TTC38: variants seen among roughly 807,000 people sequenced by gnomAD.
TTC38 encodes the protein tetratricopeptide repeat protein 38.
TTC38 carries 64 observed loss-of-function variants against 64.2 expected under a neutral mutation model. The observed-to-expected ratio is 1.00, with a 90% CI of 0.81 to 1.23. The LOEUF is 1.23. Ranked by LOEUF, TTC38 falls within the 50% of genes most tolerant of loss-of-function variation. The probability of loss-of-function intolerance (pLI) is 0.00; values close to 1 mark genes in which losing one functional copy is unlikely to be tolerated. For missense variants in TTC38, 573 were observed against 615.5 expected (o/e 0.93, Z 0.73); for synonymous variants, 254 against 249.3 (o/e 1.02, Z -0.18).
chr22:46,289,531 G>T lies in TTC38; in HGVS notation c.1212G>T (p.Arg404=). The part of the protein sequence containing the change: ...VLELLLPIRY[R]IVQLGGSNAQ... ...AGCTGCTCCTGCCCATCCGCTACCG[G>T]ATCGTCCAGCTCGGTGGGAGCAATG... The change falls in exon 12 of 14, where the codon CGG becomes CGT. Residue 404 remains arginine, a synonymous_variant. Coordinates refer to ENST00000381031, the MANE Select transcript of TTC38 (RefSeq NM_017931.4). 6.2e-7 allele frequency: 1 copy of T among 1,603,158 alleles called. No individual in the cohort carries two copies. The highest frequency in any genetic ancestry group is 8.5e-7 in the Non-Finnish European group (1 of 1,176,508).
intron 9 of TTC38, 141 bp downstream of exon 9, chr22:46,285,420 A>G (rs1054251479): frequency 1.2e-6 from 1 of 831,224 alleles, no homozygotes; most frequent in Admixed American, 2.0e-5. Context: ...GTAAGGCCTC[A>G]TGGGGTTAAT....
chr22:46,290,080 A>G (rs1236418956), intron 13 of TTC38, among the ~76,000 whole-genome samples, 181 bp downstream of exon 13: 1 of 152,158 alleles, frequency 6.6e-6, no homozygotes, highest in Non-Finnish European at 1.5e-5. Flanking sequence ...GACCAAGTGG[A>G]GCCAGCCCCA....
At chr22:46,268,413 T>G in intron 1 of TTC38, 101 bp from the exon 2 acceptor site, 3 of 1,263,826 alleles carry the variant, frequency 2.4e-6, no homozygotes, top group Non-Finnish European at 3.4e-6. Flanking sequence ...ATTTTACAGA[T>G]GAGGAAGGTG....
At position 46,291,364 on chromosome 22, in the gene TTC38, C is replaced by T. The variant is rs1261617593; in HGVS notation, c.1317-1427C>T. Among the ~76,000 whole-genome samples the T allele has an allele frequency of 6.6e-6, 1 of 151,990 alleles. No homozygotes were observed. The highest frequency in any genetic ancestry group is 1.5e-5 in the Non-Finnish European group (1 of 67,982). On this transcript the variant is annotated intron_variant, in intron 13 of 13. Coordinates refer to ENST00000381031, the MANE Select transcript of TTC38 (RefSeq NM_017931.4). The surrounding 1 kb of genome is among the most constrained non-coding windows in gnomAD (Gnocchi z 4.6). ...GGCAGTGCGGCAGTGCCGATGTGGC[C>T]TTCTGCGGGGCCCAGTGGGGGAGGG...
At position 46,273,932 on chromosome 22, in the gene TTC38, G is replaced by C. The variant is rs1936951050; in HGVS notation, c.228G>C (p.Leu76=). 2 of 1,614,120 alleles carry C rather than the reference G, an allele frequency of 1.2e-6. No homozygotes were observed. The highest frequency in any genetic ancestry group is 1.7e-6 in the Non-Finnish European group (2 of 1,180,050). Residue 76 remains leucine, a synonymous_variant, in exon 4 of 14, where the codon CTG becomes CTC. Transcript: ENST00000381031. The surrounding 1 kb of genome is among the most constrained non-coding windows in gnomAD (Gnocchi z 5.1). ...ACGCCATGGCTACTGGCCTTGTGCTGATTGGCACTGGAAGCTCCGTGAAGC... is the reference window on the plus strand; with the variant it reads ...ACGCCATGGCTACTGGCCTTGTGCTCATTGGCACTGGAAGCTCCGTGAAGC... ...MGHAMATGLV[L]IGTGSSVKLD... is the part of the protein sequence containing the mutation.
chr22:46,289,895 G>C lies in TTC38; in HGVS notation c.1312G>C (p.Ala438Pro). Reference sequence around the variant, plus strand: ...CACCTCCAGCGTCCATAAGAACGTAGCCCGGTGAGCTCCTGGCCCCTGCCC... The same window carrying C: ...CACCTCCAGCGTCCATAAGAACGTACCCCGGTGAGCTCCTGGCCCCTGCCC... ...NCTSSVHKNVARSLLMERDAL... is the reference protein window; with the variant it reads ...NCTSSVHKNVPRSLLMERDAL... The change falls in exon 13 of 14, where the codon GCC (alanine) becomes CCC (proline). Residue 438 changes from alanine to proline, a missense_variant. Transcript: ENST00000381031. 1 of 1,614,050 alleles carries C rather than the reference G, an allele frequency of 6.2e-7. No individual in the cohort carries two copies. Among genetic ancestry groups the C allele is most frequent in the Non-Finnish European group, 8.5e-7 (1 of 1,179,982 alleles).
Position 46,292,302 on chromosome 22 carries a change from T to C in TTC38, c.1317-489T>C. ...GGGCTCAAGGAATCTTCCTGCCTCA[T>C]CCTTCCATCGTGCAGGGATTACAGG... is the stretch of plus-strand genomic sequence containing the variant. On this transcript the variant is annotated intron_variant, in intron 13 of 13. Transcript: ENST00000381031. The surrounding 1 kb of genome is among the most constrained non-coding windows in gnomAD (Gnocchi z 6.5). 2.4e-6 allele frequency: 1 copy of C among 410,050 alleles called. No individual in the cohort carries two copies. Among genetic ancestry groups the C allele is most frequent in the South Asian group, 1.8e-5 (1 of 54,068 alleles). The allele number at this position is 410,050 out of a possible 1,614,324, so 25.4% of individuals were successfully genotyped here.
chr22:46,268,515 C>A lies in TTC38; in HGVS notation c.35C>A (p.Ala12Asp). The A allele has an allele frequency of 6.2e-7, 1 of 1,614,072 alleles. No individual in the cohort carries two copies. Among genetic ancestry groups the A allele is most frequent in the Non-Finnish European group, 8.5e-7 (1 of 1,180,022 alleles). ...AAASPLRDCQAWKDARLPLST... is the reference protein window; with the variant it reads ...AAASPLRDCQDWKDARLPLST... ...CTATTCCCTTCTTGCCGTCTGTAGG[C>A]CTGGAAGGATGCGAGGCTCCCGCTC... The change falls in exon 2 of 14, where the codon GCC (alanine) becomes GAC (aspartate). Residue 12 changes from alanine to aspartate, a missense_variant and splice_region_variant. Physicochemically the swap from Ala to Asp is moderately radical, Grantham distance 126 (BLOSUM62 -2). This residue lies in a region of TTC38 where 134 missense variants were observed against 126.5 expected (regional missense o/e 1.06). Transcript: ENST00000381031.
At chr22:46,288,729 G>T (rs2077590036) in intron 11 of TTC38, 141 bp downstream of exon 11, 4 of 794,120 alleles carry the variant, frequency 5.0e-6, no homozygotes, top group African/African-American at 1.7e-5. Flanking sequence ...GCAGCTCCCA[G>T]GTGTGCACCC....
Position 46,275,411 on chromosome 22 carries a change from C to T in TTC38, c.529C>T (p.Pro177Ser), listed in dbSNP as rs920625583. The T allele has an allele frequency of 3.1e-6, 5 of 1,612,676 alleles. No individual in the cohort carries two copies. In the African/African-American group the frequency reaches 6.7e-5, roughly 22 times the overall value. ...TTACCCCTTCTGGACACCTGACATC[C>T]CCCTAAGCAGGTATGTGCCAGCTGG... is the stretch of plus-strand genomic sequence containing the variant. ...RIYPFWTPDIPLSSYVKGIYS... is the reference protein window; with the variant it reads ...RIYPFWTPDISLSSYVKGIYS... The change falls in exon 5 of 14, where the codon CCC becomes TCC. Residue 177 changes from proline to serine, a missense_variant. By Grantham distance (74) the Pro-to-Ser change is moderately conservative. Around this residue, in one of 3 missense-constraint regions of TTC38, gnomAD observed 68 missense variants for 107.3 expected, o/e 0.63. Coordinates refer to ENST00000381031, the MANE Select transcript of TTC38 (RefSeq NM_017931.4). The surrounding 1 kb of genome is among the most constrained non-coding windows in gnomAD (Gnocchi z 4.5).
intron 10 of TTC38, among the ~76,000 whole-genome samples, chr22:46,287,420 G>A (rs1381625377): frequency 6.6e-6 from 1 of 152,252 alleles, no homozygotes; most frequent in South Asian, 2.1e-4. Flanking sequence ...CACCCAGGGC[G>A]GCACCTGCTG....
chr22:46,273,085 G>T lies in TTC38; in HGVS notation c.193+669G>T, dbSNP rs1936931089. On this transcript the variant is annotated intron_variant, in intron 3 of 13. Transcript: ENST00000381031. This position sits in a 1 kb window ranked among gnomAD's most constrained non-coding sequence, Gnocchi z 5.1. ...AGACTTAAGGCAGGGGACTTGTACTGCCCTGGAGAAGACAAACAAGGAAAT... is the reference window on the plus strand; with the variant it reads ...AGACTTAAGGCAGGGGACTTGTACTTCCCTGGAGAAGACAAACAAGGAAAT... 6.6e-6 allele frequency among the ~76,000 whole-genome samples: 1 copy of T among 152,198 alleles called. No homozygotes were observed. The highest frequency in any genetic ancestry group is 2.1e-4 in the South Asian group (1 of 4,830).
rs2077632321 is a variant in TTC38, at chr22:46,293,594, C to G, written c.*710C>G. On this transcript the variant is annotated 3_prime_UTR_variant, in exon 14 of 14. Coordinates refer to ENST00000381031, the MANE Select transcript of TTC38 (RefSeq NM_017931.4). The surrounding 1 kb of genome is among the most constrained non-coding windows in gnomAD (Gnocchi z 6.6). ...CCGTTTCTCTTTTTAAACTGCACAT[C>G]ATAACAGGGCTTCATGTCGAGCATG... 6.6e-6 allele frequency: 1 copy of G among 152,226 alleles called. No individual in the cohort carries two copies. Among genetic ancestry groups the G allele is most frequent in the Admixed American group, 6.5e-5 (1 of 15,292 alleles). The allele number at this position is 152,226 out of a possible 1,614,324, so 9.4% of individuals were successfully genotyped here. A position where few individuals can be genotyped will look rare whatever the true frequency, so the allele number is the denominator to read the frequency against.
rs1432181105 is a variant in TTC38 at position 46,272,261 on chromosome 22, C to A, written c.112-74C>A. On this transcript the variant is annotated intron_variant, in intron 2 of 13. Coordinates refer to ENST00000381031, the MANE Select transcript of TTC38 (RefSeq NM_017931.4). This position sits in a 1 kb window ranked among gnomAD's most constrained non-coding sequence, Gnocchi z 6.4. ...CCGCCTCGGCCTCCCAAAGTGTAAA[C>A]CTGGATTTAGAGCCACCTTTGTTAG... 1.0e-4 allele frequency: 138 copies of A among 1,329,126 alleles called. 1 individual carries two copies. The highest frequency in any genetic ancestry group is 2.4e-5 in the South Asian group (2 of 83,490). 82.3% of individuals were successfully genotyped at this position (1,329,126 alleles called of 1,614,324 possible).
In TTC38 at chr22:46,293,551, G is replaced by T. The variant is rs2077632059; in HGVS notation, c.*667G>T. On this transcript the variant is annotated 3_prime_UTR_variant, in exon 14 of 14. Coordinates refer to ENST00000381031, the MANE Select transcript of TTC38 (RefSeq NM_017931.4). The surrounding 1 kb of genome is among the most constrained non-coding windows in gnomAD (Gnocchi z 6.6). ...GTCTTGGAGCCCCCTGGGGGGCTCT[G>T]TTGGTGCTGATTTGGACCCGTTTCT... 6.6e-6 allele frequency: 1 copy of T among 152,258 alleles called. No individual in the cohort carries two copies. 9.4% of individuals were successfully genotyped at this position (152,258 alleles called of 1,614,324 possible).
Position 46,268,515 on chromosome 22 carries a change from C to G in TTC38, c.35C>G (p.Ala12Gly). Reference sequence around the variant, plus strand: ...CTATTCCCTTCTTGCCGTCTGTAGGCCTGGAAGGATGCGAGGCTCCCGCTC... The same window carrying G: ...CTATTCCCTTCTTGCCGTCTGTAGGGCTGGAAGGATGCGAGGCTCCCGCTC... ...AAASPLRDCQAWKDARLPLST... is the reference protein window; with the variant it reads ...AAASPLRDCQGWKDARLPLST... The change falls in exon 2 of 14, where the codon GCC becomes GGC. Residue 12 changes from alanine (A) to glycine (G), a missense_variant and splice_region_variant. By Grantham distance (60) the Ala-to-Gly change is moderately conservative. This residue lies in a region of TTC38 where 134 missense variants were observed against 126.5 expected (regional missense o/e 1.06). Coordinates refer to ENST00000381031, the MANE Select transcript of TTC38 (RefSeq NM_017931.4). 1 of 1,614,072 alleles carries G rather than the reference C, an allele frequency of 6.2e-7. No homozygotes were observed. Among genetic ancestry groups the G allele is most frequent in the South Asian group, 1.1e-5 (1 of 91,076 alleles).
chr22:46,268,589 C>G lies in TTC38; in HGVS notation c.109C>G (p.Gln37Glu). The G allele has an allele frequency of 1.9e-6, 3 of 1,613,928 alleles. No individual in the cohort carries two copies. The highest frequency in any genetic ancestry group is 1.6e-4 in the Middle Eastern group (1 of 6,062). Reference sequence around the variant, plus strand: ...CAAGCTGTTCGATGCCACGCTGACCCAGGTATGCCTGCCGAGAGAGGCCGC... The same window carrying G: ...CAAGCTGTTCGATGCCACGCTGACCGAGGTATGCCTGCCGAGAGAGGCCGC... The part of the protein sequence containing the change: ...ACKLFDATLT[Q>E]YVKWTNDKSL... The change falls in exon 2 of 14, where the codon CAG (glutamine) becomes GAG (glutamate). Residue 37 changes from glutamine to glutamate, a missense_variant and splice_region_variant. Physicochemically the swap from Gln to Glu is conservative, Grantham distance 29. This residue lies in a region of TTC38 where 134 missense variants were observed against 126.5 expected (regional missense o/e 1.06). Transcript: ENST00000381031.
chr22:46,281,764 T>A lies in TTC38; in HGVS notation c.735+46T>A, dbSNP rs2077537015. 6.2e-7 allele frequency: 1 copy of A among 1,610,702 alleles called. No homozygotes were observed. Among genetic ancestry groups the A allele is most frequent in the African/African-American group, 1.3e-5 (1 of 74,900 alleles). On this transcript the variant is annotated intron_variant, in intron 7 of 13. Transcript: ENST00000381031. The surrounding 1 kb of genome is among the most constrained non-coding windows in gnomAD (Gnocchi z 5.2). ...TCACCTCCCTGGGAAATTCAGTGCA[T>A]CCCCTTGAGTCAGGCCAAGGCTTTA...
chr22:46,285,236 T>A lies in TTC38; in HGVS notation c.796-5T>A. The A allele has an allele frequency of 6.2e-7, 1 of 1,614,106 alleles. No homozygotes were observed. The highest frequency in any genetic ancestry group is 2.2e-5 in the East Asian group (1 of 44,890). On this transcript the variant is annotated splice_region_variant and splice_polypyrimidine_tract_variant and intron_variant, in intron 8 of 13. Transcript: ENST00000381031. ...GGTTTAATAAGGAGAACTTTATTCT[T>A]CCAGGGCGAATATGAGGCCGCGCTG...
Sources: gnomAD v4.1 joint callset for allele counts (sites outside exome capture counted in the v4.1 genomes callset) on GRCh38, gnomAD v4.1.1 for gene constraint, gnomAD v4.1.1 regional missense constraint, Gnocchi (gnomAD v3.1) non-coding constraint, MANE v1.5 for transcripts, NCBI Gene and HGNC (gene_info 2026-07-23, HGNC 2026-07-21) for gene names.